The following SPPL3 variants were observed in gnomAD, a reference collection of about 807,000 sequenced individuals.
SPPL3 encodes the protein signal peptide peptidase-like 3.
In SPPL3, 5 loss-of-function variants were observed where a neutral mutation model predicts 42.4. The ratio of observed to expected loss-of-function variants is 0.12; its 90% confidence interval spans 0.06 to 0.25. The LOEUF is 0.25. Ranked by LOEUF, SPPL3 falls within the 10% of genes least tolerant of loss-of-function variation. The probability of loss-of-function intolerance (pLI) is 1.00; values close to 1 mark genes in which losing one functional copy is unlikely to be tolerated. For missense variants in SPPL3, 235 were observed against 489.0 expected, an observed-to-expected ratio of 0.48 and a Z score of 4.90; for synonymous variants, 195 against 181.8, an observed-to-expected ratio of 1.07 and a Z score of -0.58.
chr12:120,853,691 C>A, intron 1 of SPPL3, among the ~76,000 whole-genome samples: 1 of 152,100 alleles, frequency 6.6e-6, no homozygotes, highest in Non-Finnish European at 1.5e-5. Flanking sequence ...AAACACAGAT[C>A]GCTGTACCTA....
chr12:120,784,487 T>C lies in SPPL3; in HGVS notation c.297A>G (p.Thr99=), dbSNP rs759352830. ...ACTCATATTTACCTGCTGTACATATTGTAAAAACTACTTGAACTGAGTCAA... is the reference window on the plus strand; with the variant it reads ...ACTCATATTTACCTGCTGTACATATCGTAAAAACTACTTGAACTGAGTCAA... The part of the protein sequence containing the change: ...FFFDSVQVVF[T]ICTAVLATIA... The change falls in exon 4 of 11, where the codon ACA becomes ACG. Residue 99 remains threonine (T), a synonymous_variant. Transcript: ENST00000353487. 4.4e-6 allele frequency: 7 copies of C among 1,609,188 alleles called. No homozygotes were observed. The highest frequency in any genetic ancestry group is 5.9e-6 in the Non-Finnish European group (7 of 1,178,036).
At chr12:120,900,014 A>G (rs1349686670) in intron 1 of SPPL3, among the ~76,000 whole-genome samples, 1 of 152,118 alleles carries the variant, frequency 6.6e-6, no homozygotes, top group Non-Finnish European at 1.5e-5. Flanking sequence ...GGAAGAGAGC[A>G]AGCACACGTG....
intron 1 of SPPL3, among the ~76,000 whole-genome samples, chr12:120,827,080 T>G (rs61523086): frequency 6.6e-6 from 1 of 151,894 alleles, no homozygotes; most frequent in South Asian, 2.1e-4. Context: ...AGTCAAATTC[T>G]TGGTTAGAGT....
intron 1 of SPPL3, among the ~76,000 whole-genome samples, chr12:120,868,371 G>T (rs1198487768): frequency 6.6e-6 from 1 of 152,212 alleles, no homozygotes; most frequent in Non-Finnish European, 1.5e-5. Context: ...CAGGATATGT[G>T]GCACTGCTTT....
chr12:120,799,107 C>T (rs1216690421), intron 2 of SPPL3, among the ~76,000 whole-genome samples: 1 of 152,080 alleles, frequency 6.6e-6, no homozygotes, highest in African/African-American at 2.4e-5. Context: ...CCCAATAAGC[C>T]CAGGTAAGTG....
chr12:120,845,177 C>A, intron 1 of SPPL3: 1 of 463,160 alleles, frequency 2.2e-6, no homozygotes, highest in Non-Finnish European at 4.3e-6. Context: ...CCACTGGTGG[C>A]ACAGGTGGCC....
intron 1 of SPPL3, among the ~76,000 whole-genome samples, chr12:120,817,756 G>A (rs1304165019): frequency 1.3e-5 from 2 of 152,200 alleles, no homozygotes; most frequent in African/African-American, 2.4e-5. Context: ...TCATAAAAAT[G>A]AGCACAGAGC....
intron 1 of SPPL3, among the ~76,000 whole-genome samples, chr12:120,848,909 G>C (rs934944302): frequency 6.6e-6 from 1 of 151,960 alleles, no homozygotes; most frequent in African/African-American, 2.4e-5. Flanking sequence ...CAGGTGATTT[G>C]TGTAACACTC....
intron 2 of SPPL3, among the ~76,000 whole-genome samples, chr12:120,799,685 C>G (rs951216984): frequency 6.6e-6 from 1 of 152,158 alleles, no homozygotes; most frequent in Non-Finnish European, 1.5e-5. Flanking sequence ...AAAATCAAGC[C>G]TTGTTTGGTT....
At chr12:120,900,645 G>A (rs541623495) in intron 1 of SPPL3, among the ~76,000 whole-genome samples, 3 of 150,200 alleles carry the variant, frequency 2.0e-5, no homozygotes, top group Non-Finnish European at 3.0e-5. Context: ...GGTGGCTCAC[G>A]CCTGTAATCC....
intron 1 of SPPL3, among the ~76,000 whole-genome samples, chr12:120,824,339 T>C (rs1871173653): frequency 6.6e-6 from 1 of 152,206 alleles, no homozygotes; most frequent in African/African-American, 2.4e-5. Context: ...CACAGGATTC[T>C]GGTGGAAACG....
chr12:120,845,594 G>A (rs1592992295), intron 1 of SPPL3: 2 of 473,180 alleles, frequency 4.2e-6, no homozygotes, highest in Non-Finnish European at 8.2e-6. Flanking sequence ...CCACCATGAG[G>A]ATGCACATTT....
chr12:120,854,820 T>G (rs1336676144), intron 1 of SPPL3, among the ~76,000 whole-genome samples: 2 of 152,322 alleles, frequency 1.3e-5, no homozygotes, highest in East Asian at 3.9e-4. Flanking sequence ...CATTACCAAG[T>G]GTTTCCAAAG....
intron 1 of SPPL3, among the ~76,000 whole-genome samples, chr12:120,840,806 C>A (rs1016595890): frequency 1.3e-5 from 2 of 151,848 alleles, no homozygotes; most frequent in Non-Finnish European, 2.9e-5. Flanking sequence ...CACACCCCAG[C>A]CTGGGCAACA....
rs188238441 is a variant in SPPL3 at position 120,883,838 on chromosome 12, A to G, written c.23+20007T>C. Reference sequence around the variant, plus strand: ...AGACGTAAGCCGGGCGTGGTGGCTCATGCCTGTAATACCAACACTTTGGGA... The same window carrying G: ...AGACGTAAGCCGGGCGTGGTGGCTCGTGCCTGTAATACCAACACTTTGGGA... On this transcript the variant is annotated intron_variant, in intron 1 of 10. Coordinates refer to ENST00000353487, the MANE Select transcript of SPPL3 (RefSeq NM_139015.5). Among the ~76,000 whole-genome samples the G allele has an allele frequency of 4.1e-3, 632 of 152,370 alleles. 4 individuals are homozygous for G. Among genetic ancestry groups the G allele is most frequent in the Non-Finnish European group, 7.0e-3 (479 of 68,036 alleles).
Position 120,788,083 on chromosome 12 carries a change from G to A in SPPL3, c.190+3386C>T, listed in dbSNP as rs958610460. Among the ~76,000 whole-genome samples the A allele has an allele frequency of 2.0e-5, 3 of 152,342 alleles. No homozygotes were observed. The East Asian group carries it at 5.8e-4, about 29-fold the overall frequency. On this transcript the variant is annotated intron_variant, in intron 3 of 10. Transcript: ENST00000353487. ...TACTGTCACCTTTAGTAGGTAAAAT[G>A]TCAAACTGCCTTCCAAAGTGACTGT...
intron 6 of SPPL3, among the ~76,000 whole-genome samples, chr12:120,778,235 C>T (rs1423573053): frequency 6.7e-6 from 1 of 148,224 alleles, no homozygotes. Context: ...TCCTGTCTCA[C>T]CATTCTGAGT....
At position 120,880,639 on chromosome 12, in the gene SPPL3, T is replaced by G. The variant is rs149970336; in HGVS notation, c.23+23206A>C. ...CATCTCTACTAAAAATACAAAAAAT[T>G]AGCTGAGCATGGTGGCACGTGCCTC... On this transcript the variant is annotated intron_variant, in intron 1 of 10. Transcript: ENST00000353487. Among the ~76,000 whole-genome samples the G allele has an allele frequency of 1.9e-3, 285 of 151,824 alleles. 2 individuals carry two copies. The highest frequency in any genetic ancestry group is 6.5e-3 in the African/African-American group (268 of 41,326).
chr12:120,851,259 G>C (rs1054165496), intron 1 of SPPL3, among the ~76,000 whole-genome samples: 2 of 152,178 alleles, frequency 1.3e-5, no homozygotes, highest in Non-Finnish European at 2.9e-5. Context: ...TGTAGCAGCA[G>C]CACATACCAC....
Sources: gnomAD v4.1 joint callset for allele counts (sites outside exome capture counted in the v4.1 genomes callset) on GRCh38, gnomAD v4.1.1 for gene constraint, MANE v1.5 for transcripts, NCBI Gene and HGNC (gene_info 2026-07-23, HGNC 2026-07-21) for gene names.